The following ATF3 variants were observed in gnomAD, a reference collection of about 807,000 sequenced individuals.
ATF3 encodes the protein cyclic AMP-dependent transcription factor ATF-3.
In ATF3, 10 loss-of-function variants were observed where a neutral mutation model predicts 18.4. The ratio of observed to expected loss-of-function variants is 0.54; its 90% CI spans 0.34 to 0.92. The LOEUF is 0.92. Ranked by LOEUF, ATF3 falls within the 40% of genes least tolerant of loss-of-function variation. The pLI, the probability that ATF3 is intolerant of heterozygous loss-of-function variation, is 0.02. For synonymous variants in ATF3, 78 were observed against 87.9 expected (o/e 0.89, Z 0.63); for missense variants, 183 against 222.3 (o/e 0.82, Z 1.12).
chr1:212,589,802 C>CTTT (rs35586185), intron 1 of ATF3, among the ~76,000 whole-genome samples: 3 of 143,190 alleles, frequency 2.1e-5, no homozygotes, highest in East Asian at 2.1e-4. Flanking sequence ...TCTTGGTCAA[C>CTTT]TTTTTTTTTT....
chr1:212,569,840 A>C (rs1664448361), intron 1 of ATF3, among the ~76,000 whole-genome samples: 1 of 152,148 alleles, frequency 6.6e-6, no homozygotes, highest in Non-Finnish European at 1.5e-5. Context: ...ATCTATGTTC[A>C]TGGCAATTCT....
intron 1 of ATF3, among the ~76,000 whole-genome samples, chr1:212,587,102 G>C (rs1664793671): frequency 6.6e-6 from 1 of 152,206 alleles, no homozygotes; most frequent in Non-Finnish European, 1.5e-5. Context: ...GGGAAGGCGG[G>C]AGAAGAAGAT....
chr1:212,596,456 C>A (rs560748277), intron 1 of ATF3, among the ~76,000 whole-genome samples: 66 of 152,322 alleles, frequency 4.3e-4, no homozygotes, highest in African/African-American at 1.4e-3. Context: ...CTAAATAGAA[C>A]AAGCCTCAGT....
In ATF3 at chr1:212,616,518, G is replaced by A. The variant is rs568722102; in HGVS notation, c.240+1257G>A. On this transcript the variant is annotated intron_variant, in intron 2 of 3. Coordinates refer to ENST00000341491, the MANE Select transcript of ATF3 (RefSeq NM_001674.4). ...TCTCCATGTTGGCCAGGCTGGTCTCGAACTCCTGACCTCAGGTAATCCGCC... is the reference window on the plus strand; with the variant it reads ...TCTCCATGTTGGCCAGGCTGGTCTCAAACTCCTGACCTCAGGTAATCCGCC... Among the ~76,000 whole-genome samples the A allele has an allele frequency of 7.2e-5, 11 of 152,126 alleles. No homozygotes were observed. In the East Asian group the frequency reaches 7.7e-4, roughly 11 times the overall value.
chr1:212,586,390 T>A lies in ATF3; in HGVS notation c.-5+20907T>A, dbSNP rs112001612. Among the ~76,000 whole-genome samples, 4 of 152,328 alleles carry A rather than the reference T, an allele frequency of 2.6e-5. 1 individual carries two copies. Among genetic ancestry groups the A allele is most frequent in the African/African-American group, 9.6e-5 (4 of 41,570 alleles). On this transcript the variant is annotated intron_variant, in intron 1 of 3. Transcript: ENST00000366981. ...GGGAGGGAATACTCTTCTTAGGACA[T>A]GGCACTTTCTTCCTCTTTGCTGCTC...
intron 1 of ATF3, among the ~76,000 whole-genome samples, chr1:212,590,701 G>T (rs565805440): frequency 1.7e-3 from 257 of 152,256 alleles, no homozygotes; most frequent in Middle Eastern, 0.01. Flanking sequence ...ATTTTGCAAC[G>T]GCCATCTGTA....
intron 1 of ATF3, among the ~76,000 whole-genome samples, chr1:212,579,175 T>C (rs903619973): frequency 6.6e-6 from 1 of 151,458 alleles, no homozygotes; most frequent in Admixed American, 6.6e-5. Context: ...CCATGCCTGG[T>C]TAATTTTTGT....
intron 1 of ATF3, among the ~76,000 whole-genome samples, chr1:212,571,611 G>T (rs1410381341): frequency 6.6e-6 from 1 of 151,744 alleles, no homozygotes; most frequent in Non-Finnish European, 1.5e-5. Context: ...CATCATTTTG[G>T]CCATTTTCTT....
At chr1:212,585,679 A>G (rs1664767096) in intron 1 of ATF3, among the ~76,000 whole-genome samples, 1 of 152,240 alleles carries the variant, frequency 6.6e-6, no homozygotes, top group Admixed American at 6.5e-5. Flanking sequence ...CCTCTGTCAC[A>G]GAAAACAGAG....
At chr1:212,604,973 C>G (rs1453438150), upstream of ATF3, among the ~76,000 whole-genome samples, 1 of 152,126 alleles carries the variant, frequency 6.6e-6, no homozygotes, top group African/African-American at 2.4e-5. Context: ...ACTCCCGCCC[C>G]CTCTTGATTG....
intron 1 of ATF3, among the ~76,000 whole-genome samples, chr1:212,612,092 G>T (rs1019687791): frequency 6.6e-6 from 1 of 152,200 alleles, no homozygotes; most frequent in African/African-American, 2.4e-5. Context: ...AAAGTATCCC[G>T]AGAAGTTAAG....
chr1:212,583,792 C>T (rs745436671), intron 1 of ATF3, among the ~76,000 whole-genome samples: 1 of 152,156 alleles, frequency 6.6e-6, no homozygotes, highest in South Asian at 2.1e-4. Context: ...GCATAGTAAT[C>T]GGAGAATAAC....
chr1:212,615,233 C>G lies in ATF3; in HGVS notation c.212C>G (p.Pro71Arg). 5.0e-6 allele frequency: 8 copies of G among 1,613,868 alleles called. No homozygotes were observed. Among genetic ancestry groups the G allele is most frequent in the Non-Finnish European group, 6.8e-6 (8 of 1,179,920 alleles). Residue 71 changes from proline (P) to arginine (R), a missense_variant, in exon 2 of 4, where the codon CCC (proline) becomes CGC (arginine). By Grantham distance (103) the Pro-to-Arg change is moderately radical. Coordinates refer to ENST00000341491, the MANE Select transcript of ATF3 (RefSeq NM_001674.4). ...GAATCAGTCACTGTCAGCGACAGAC[C>G]CCTCGGGGTGTCCATCACAAAAGCC... is the stretch of plus-strand genomic sequence containing the variant. ...ALESVTVSDR[P>R]LGVSITKAEV...
At chr1:212,589,055 A>C (rs1041451966) in intron 1 of ATF3, among the ~76,000 whole-genome samples, 4 of 152,208 alleles carry the variant, frequency 2.6e-5, no homozygotes, top group African/African-American at 9.6e-5. Context: ...ATTTGAACCC[A>C]GGTCATGAGA....
Position 212,616,986 on chromosome 1 carries a change from A to G in ATF3, c.241-1141A>G, listed in dbSNP as rs370776922. Among the ~76,000 whole-genome samples the G allele has an allele frequency of 1.0e-3, 158 of 152,134 alleles. 2 individuals are homozygous for G. In the South Asian group the frequency reaches 0.019, roughly 18 times the overall value. On this transcript the variant is annotated intron_variant, in intron 2 of 3. Coordinates refer to ENST00000341491, the MANE Select transcript of ATF3 (RefSeq NM_001674.4). ...GTGGAGATGTCAAGCAGGCAGTTGG[A>G]TATGTGAGTCTGGAGTTCAGAGGAC...
At position 212,574,494 on chromosome 1, in the gene ATF3, G is replaced by A. The variant is rs537596521; in HGVS notation, c.-5+9011G>A. 2.0e-5 allele frequency among the ~76,000 whole-genome samples: 3 copies of A among 151,684 alleles called. No individual in the cohort carries two copies. In the East Asian group the frequency reaches 5.8e-4, roughly 29 times the overall value. Reference sequence around the variant, plus strand: ...TCTATAATATCTTTTCATTTTGTTTGTGTTGTCTTTTTTAACACATAGTTT... The same window carrying A: ...TCTATAATATCTTTTCATTTTGTTTATGTTGTCTTTTTTAACACATAGTTT... On this transcript the variant is annotated intron_variant, in intron 1 of 3. Transcript: ENST00000366981.
chr1:212,572,159 T>C (rs76651307), intron 1 of ATF3, among the ~76,000 whole-genome samples: 13,198 of 152,230 alleles, frequency 0.087, 1,245 homozygotes, highest in African/African-American at 0.24. Flanking sequence ...TTATCGATAC[T>C]TGCTTTTAAA....
At chr1:212,566,723 C>G (rs537636534) in intron 1 of ATF3, among the ~76,000 whole-genome samples, 1 of 152,306 alleles carries the variant, frequency 6.6e-6, no homozygotes, top group African/African-American at 2.4e-5. Flanking sequence ...ACAAAAGTGT[C>G]TGAGGGGGTC....
At chr1:212,579,860 G>T (rs1226218734) in intron 1 of ATF3, among the ~76,000 whole-genome samples, 1 of 152,108 alleles carries the variant, frequency 6.6e-6, no homozygotes, top group Non-Finnish European at 1.5e-5. Context: ...AAACAGATTT[G>T]TAGACTGGGC....
Sources: allele counts gnomAD v4.1 joint callset (sites outside exome capture counted in the v4.1 genomes callset), GRCh38; gene constraint gnomAD v4.1.1; transcripts MANE v1.5; gene names NCBI Gene and HGNC (gene_info 2026-07-23, HGNC 2026-07-21).